The following PIKFYVE variants were observed in gnomAD, a reference collection of about 807,000 sequenced individuals.
PIKFYVE encodes 1-phosphatidylinositol 3-phosphate 5-kinase.
In PIKFYVE, 122 loss-of-function variants were observed where a neutral mutation model predicts 257.9. The observed-to-expected ratio is 0.47, with a 90% CI of 0.41 to 0.55. The LOEUF (loss-of-function observed/expected upper bound fraction) is 0.55. Ranked by LOEUF, PIKFYVE falls within the 20% of genes least tolerant of loss-of-function variation. The probability of loss-of-function intolerance (pLI) is 0.00; values close to 1 mark genes in which losing one functional copy is unlikely to be tolerated. For missense variants in PIKFYVE, 2,160 were observed against 2,536.6 expected, an observed-to-expected ratio of 0.85 and a Z score of 3.19; for synonymous variants, 892 against 868.9, an observed-to-expected ratio of 1.03 and a Z score of -0.47.
At chr2:208,328,615 A>G (rs756976138) in intron 21 of PIKFYVE, among the ~76,000 whole-genome samples, 1 of 152,216 alleles carries the variant, frequency 6.6e-6, no homozygotes, top group Non-Finnish European at 1.5e-5. Flanking sequence ...ACTTGCATAT[A>G]CTTAATGAGT....
chr2:208,336,016 G>C, intron 26 of PIKFYVE, 30 bp from the exon 27 acceptor site: 6 of 1,613,624 alleles, frequency 3.7e-6, no homozygotes, highest in Non-Finnish European at 4.2e-6. Flanking sequence ...TATAGTGTCT[G>C]TCTCCTGAAG....
chr2:208,350,091 T>C lies in PIKFYVE; in HGVS notation c.5434+8T>C. ...ATCCTCATGTGGAACTTCGTAAGTA[T>C]GAGATATTATATCATTGGTTTGGGG... is the stretch of plus-strand genomic sequence containing the variant. On this transcript the variant is annotated splice_region_variant and intron_variant, in intron 36 of 41. Transcript: ENST00000264380. 3.7e-6 allele frequency: 6 copies of C among 1,612,308 alleles called. No individual in the cohort carries two copies. Among genetic ancestry groups the C allele is most frequent in the African/African-American group, 1.3e-5 (1 of 75,010 alleles).
At chr2:208,305,350 T>C (rs910273284) in intron 12 of PIKFYVE, 8 of 1,155,008 alleles carry the variant, frequency 6.9e-6, no homozygotes, top group Non-Finnish European at 8.6e-6. Flanking sequence ...TCTATTCTTT[T>C]CTCTTTCTTC....
chr2:208,352,622 A>G (rs1348349143), intron 38 of PIKFYVE, 32 bp from the exon 39 acceptor site: 2 of 1,608,504 alleles, frequency 1.2e-6, no homozygotes, highest in African/African-American at 1.3e-5. Flanking sequence ...ACCCTTTTTG[A>G]TAAGAATTTA....
chr2:208,348,452 A>G (rs1559172396), intron 35 of PIKFYVE, among the ~76,000 whole-genome samples: 1 of 152,144 alleles, frequency 6.6e-6, no homozygotes, highest in Non-Finnish European at 1.5e-5. Flanking sequence ...TTTGACATTT[A>G]AAAATTATGT....
Position 208,266,627 on chromosome 2 carries a change from G to T in PIKFYVE, c.-10+212G>T, listed in dbSNP as rs551699836. Among the ~76,000 whole-genome samples, 7 of 152,350 alleles carry T rather than the reference G, an allele frequency of 4.6e-5. No homozygotes were observed. In the South Asian group the frequency reaches 1.4e-3, roughly 32 times the overall value. ...CTATTCCCCGGCTGCCTTGTCTGGCGAGTGGGGACGGAAGCCGGGTGGGGC... is the reference window on the plus strand; with the variant it reads ...CTATTCCCCGGCTGCCTTGTCTGGCTAGTGGGGACGGAAGCCGGGTGGGGC... On this transcript the variant is annotated intron_variant, in intron 1 of 41. Coordinates refer to ENST00000264380, the MANE Select transcript of PIKFYVE (RefSeq NM_015040.4).
chr2:208,308,331 G>T (rs1023155956), intron 12 of PIKFYVE, among the ~76,000 whole-genome samples: 4 of 151,646 alleles, frequency 2.6e-5, no homozygotes, highest in Non-Finnish European at 4.4e-5. Flanking sequence ...AGCTTGGCAG[G>T]TTGAGGCTGC....
At chr2:208,354,429 C>G in intron 40 of PIKFYVE, 142 bp from the exon 41 acceptor site, 1 of 890,516 alleles carries the variant, frequency 1.1e-6, no homozygotes, top group South Asian at 1.5e-5. Context: ...GTGGAGAAAC[C>G]CTGAGAACAG....
rs903312053 is a variant in PIKFYVE at position 208,320,115 on chromosome 2, T to A, written c.2083-137T>A. The A allele has an allele frequency of 1.2e-5, 15 of 1,245,552 alleles. No individual in the cohort carries two copies. In the Admixed American group the frequency reaches 4.7e-4, roughly 39 times the overall value. 77.2% of individuals were successfully genotyped at this position (1,245,552 alleles called of 1,614,324 possible). ...AATTTAATACCGTAAAAGAACTAAA[T>A]GAGAATATATTAATACTAATATGAG... On this transcript the variant is annotated intron_variant, in intron 16 of 41. Transcript: ENST00000264380.
chr2:208,313,070 GTCATGGACA>G (rs1695099918), intron 13 of PIKFYVE, among the ~76,000 whole-genome samples: 2 of 152,178 alleles, frequency 1.3e-5, no homozygotes, highest in South Asian at 4.1e-4. Context: ...TACTTCACAT[GTCATGGACA>G]TATACTTTAC....
intron 32 of PIKFYVE, among the ~76,000 whole-genome samples, chr2:208,342,982 AT>A (rs1354090154): frequency 2.0e-5 from 3 of 151,656 alleles, no homozygotes; most frequent in African/African-American, 7.3e-5. Flanking sequence ...TTTAGTAGAG[AT>A]GGGGTTTCAC....
intron 6 of PIKFYVE, 63 bp from the exon 7 acceptor site, chr2:208,288,666 G>A (rs1691897926): frequency 3.6e-5 from 58 of 1,601,736 alleles, no homozygotes; most frequent in Non-Finnish European, 4.8e-5. Context: ...ATGTTAAAGC[G>A]CCTCATTGAA....
At chr2:208,338,646 T>C (rs768982960) in intron 29 of PIKFYVE, 78 bp downstream of exon 29, 21 of 1,440,902 alleles carry the variant, frequency 1.5e-5, no homozygotes, top group Non-Finnish European at 2.0e-5. Context: ...TTAAACTGTT[T>C]GAGCAGTTTT....
At chr2:208,297,686 G>C (rs1400555222) in intron 7 of PIKFYVE, among the ~76,000 whole-genome samples, 1 of 152,228 alleles carries the variant, frequency 6.6e-6, no homozygotes, top group East Asian at 1.9e-4. Context: ...CTGCCCTAAT[G>C]AATGAGTTAC....
chr2:208,289,719 C>G (rs975751948), intron 7 of PIKFYVE, among the ~76,000 whole-genome samples: 7 of 152,138 alleles, frequency 4.6e-5, no homozygotes, highest in African/African-American at 1.7e-4. Flanking sequence ...CATGAGCCAC[C>G]GAGCCCAGCC....
At chr2:208,350,176 A>G in intron 36 of PIKFYVE, 93 bp downstream of exon 36, 2 of 1,536,902 alleles carry the variant, frequency 1.3e-6, no homozygotes, top group Non-Finnish European at 1.8e-6. Flanking sequence ...TACTAAATAA[A>G]TGTCCCAGTT....
chr2:208,277,458 AC>A, intron 4 of PIKFYVE, 78 bp from the exon 5 acceptor site: 2 of 1,495,486 alleles, frequency 1.3e-6, no homozygotes, highest in Non-Finnish European at 1.9e-6. Flanking sequence ...TGCAAAAGAA[AC>A]CTTTGAGGAT....
upstream of PIKFYVE, chr2:208,266,062 C>G (rs1381587984): frequency 6.5e-6 from 1 of 152,692 alleles, no homozygotes; most frequent in Non-Finnish European, 1.5e-5. Context: ...GCGCGCAGTC[C>G]CCCTGGCTTC....
intron 35 of PIKFYVE, among the ~76,000 whole-genome samples, chr2:208,348,684 G>T (rs1298727107): frequency 6.6e-6 from 1 of 151,034 alleles, no homozygotes; most frequent in Non-Finnish European, 1.5e-5. Flanking sequence ...GGAATAGGCA[G>T]ACTCTGATGA....
Sources: allele counts gnomAD v4.1 joint callset (sites outside exome capture counted in the v4.1 genomes callset), GRCh38; gene constraint gnomAD v4.1.1; transcripts MANE v1.5; gene names NCBI Gene and HGNC (gene_info 2026-07-23, HGNC 2026-07-21).